Variants in HSD17B4 observed in about 807,000 individuals in gnomAD.
HSD17B4 encodes peroxisomal multifunctional enzyme type 2.
Under a neutral mutation model 101.0 loss-of-function variants are expected in HSD17B4, and 70 were observed. The ratio of observed to expected loss-of-function variants is 0.69; its 90% CI spans 0.57 to 0.85. HSD17B4 has a LOEUF of 0.85. HSD17B4 is among the 40% of genes least tolerant of loss of function. The probability of loss-of-function intolerance (pLI) is 0.00; values close to 1 mark genes in which losing one functional copy is unlikely to be tolerated. For missense variants in HSD17B4, 984 were observed against 892.4 expected (o/e 1.10, Z -1.31); for synonymous variants, 347 against 297.1 (o/e 1.17, Z -1.73).
chr5:119,514,904 G>GT, intron 16 of HSD17B4, 77 bp from the exon 17 acceptor site: 2 of 839,750 alleles, frequency 2.4e-6, no homozygotes, highest in South Asian at 2.7e-5. Context: ...ACATGATTGT[G>GT]TATCAAATGT....
At chr5:119,468,802 C>T (rs1437308088) in intron 2 of HSD17B4, among the ~76,000 whole-genome samples, 1 of 150,542 alleles carries the variant, frequency 6.6e-6, no homozygotes, top group Admixed American at 6.6e-5. Flanking sequence ...TTATGTTTTT[C>T]TCTTTCCTTT....
chr5:119,517,254 C>T (rs943940755), intron 17 of HSD17B4, among the ~76,000 whole-genome samples: 1 of 152,216 alleles, frequency 6.6e-6, no homozygotes, highest in Non-Finnish European at 1.5e-5. Flanking sequence ...CCCAGGCCAG[C>T]GGCTGCGGAG....
At chr5:119,521,640 G>A (rs995754106) in intron 17 of HSD17B4, among the ~76,000 whole-genome samples, 4 of 151,550 alleles carry the variant, frequency 2.6e-5, no homozygotes, top group African/African-American at 4.8e-5. Context: ...ATTTGAATGT[G>A]TTCTCCTTTG....
intron 17 of HSD17B4, among the ~76,000 whole-genome samples, chr5:119,517,958 C>G (rs1752785403): frequency 1.3e-5 from 2 of 152,126 alleles, no homozygotes; most frequent in Non-Finnish European, 2.9e-5. Context: ...CGTGGAGAAC[C>G]TTTATGTCTA....
At chr5:119,502,655 T>C (rs975712648) in intron 14 of HSD17B4, among the ~76,000 whole-genome samples, 4 of 152,174 alleles carry the variant, frequency 2.6e-5, no homozygotes, top group Non-Finnish European at 4.4e-5. Flanking sequence ...TGTTGTCTAA[T>C]TATATACTGG....
intron 16 of HSD17B4, among the ~76,000 whole-genome samples, chr5:119,512,744 T>C (rs1404090744): frequency 1.3e-5 from 2 of 152,212 alleles, no homozygotes; most frequent in Non-Finnish European, 2.9e-5. Context: ...AGTGACCACA[T>C]ACTGTGTTTA....
chr5:119,527,012 A>G (rs773566440), intron 19 of HSD17B4, 121 bp from the exon 20 acceptor site: 6 of 659,286 alleles, frequency 9.1e-6, no homozygotes, highest in East Asian at 2.8e-5. Context: ...GAATTTAAAT[A>G]TCTTTAAACC....
chr5:119,524,059 T>G lies in HSD17B4; in HGVS notation c.1504-1157T>G, dbSNP rs887748769. ...AACATTTTATTATATAAAGTGCTTTTAAAAAATTATCATTTACTTCTCTTA... is the reference window on the plus strand; with the variant it reads ...AACATTTTATTATATAAAGTGCTTTGAAAAAATTATCATTTACTTCTCTTA... On this transcript the variant is annotated intron_variant, in intron 17 of 23. Coordinates refer to ENST00000510025, the MANE Select transcript of HSD17B4 (RefSeq NM_000414.4). 3.9e-5 allele frequency among the ~76,000 whole-genome samples: 6 copies of G among 152,256 alleles called. 1 individual carries two copies. The South Asian group carries it at 1.0e-3, about 26-fold the overall frequency.
rs752422514 is a variant in HSD17B4, at chr5:119,477,547, TGGGGGTTCTTGTGTACA to T, written c.434+50_434+66del. 10 of 1,209,774 alleles carry T rather than the reference TGGGGGTTCTTGTGTACA, an allele frequency of 8.3e-6. No homozygotes were observed. In the East Asian group the frequency reaches 2.3e-4, roughly 28 times the overall value. 74.9% of individuals were successfully genotyped at this position (1,209,774 alleles called of 1,614,324 possible). On this transcript the variant is annotated intron_variant, in intron 7 of 23. Transcript: ENST00000510025. ...CAAGGGGGATTTAAGATGTTGTGTCTGGGGGTTCTTGTGTACAGGGAAAGATTATGTGAAGTGTTGTG... is the reference window on the plus strand; with the variant it reads ...CAAGGGGGATTTAAGATGTTGTGTCTGGGAAAGATTATGTGAAGTGTTGTG...
intron 8 of HSD17B4, among the ~76,000 whole-genome samples, chr5:119,481,347 C>G (rs1749112594): frequency 6.6e-6 from 1 of 152,174 alleles, no homozygotes; most frequent in African/African-American, 2.4e-5. Flanking sequence ...TCCCTGACTT[C>G]CCTCAACACC....
At chr5:119,481,252 T>G (rs1251696097) in intron 8 of HSD17B4, among the ~76,000 whole-genome samples, 1 of 152,150 alleles carries the variant, frequency 6.6e-6, no homozygotes. Flanking sequence ...ACAAAAGTAT[T>G]AATTTGGGGA....
intron 19 of HSD17B4, among the ~76,000 whole-genome samples, chr5:119,526,920 T>C (rs995589098): frequency 6.6e-6 from 1 of 152,000 alleles, no homozygotes; most frequent in African/African-American, 2.4e-5. Context: ...ATTCCATACT[T>C]TGAAAGACAA....
At chr5:119,508,591 CAT>C (rs1751877697) in intron 15 of HSD17B4, among the ~76,000 whole-genome samples, 2 of 152,284 alleles carry the variant, frequency 1.3e-5, no homozygotes, top group South Asian at 4.1e-4. Flanking sequence ...CTTGCTCACT[CAT>C]ATCATTTATT....
chr5:119,456,939 G>T (rs1234454780), intron 2 of HSD17B4, among the ~76,000 whole-genome samples: 3 of 152,170 alleles, frequency 2.0e-5, no homozygotes, highest in Non-Finnish European at 4.4e-5. Context: ...TGGAGTCAAG[G>T]AATCTAAAGT....
chr5:119,495,527 G>A (rs1002098081), intron 11 of HSD17B4, among the ~76,000 whole-genome samples: 16 of 152,160 alleles, frequency 1.1e-4, no homozygotes, highest in African/African-American at 3.9e-4. Context: ...TCTGGAAGGA[G>A]GTGGCTTTCA....
At chr5:119,471,619 C>CT (rs1178241001) in intron 2 of HSD17B4, 3 of 1,196,806 alleles carry the variant, frequency 2.5e-6, no homozygotes, top group Non-Finnish European at 3.4e-6. Flanking sequence ...TAATTAGTAA[C>CT]TTTTTTATTG....
intron 8 of HSD17B4, chr5:119,487,125 A>G (rs1422564965): frequency 6.6e-6 from 1 of 151,846 alleles, no homozygotes; most frequent in Non-Finnish European, 1.5e-5. Flanking sequence ...TAGGTTTAGG[A>G]CCCCATCTTG....
chr5:119,512,059 T>A (rs1752224389), intron 16 of HSD17B4, among the ~76,000 whole-genome samples: 1 of 152,118 alleles, frequency 6.6e-6, no homozygotes, highest in Admixed American at 6.5e-5. Flanking sequence ...GAAAGTATAA[T>A]AACTGAGATG....
intron 2 of HSD17B4, among the ~76,000 whole-genome samples, chr5:119,462,869 C>A (rs1755404320): frequency 6.6e-6 from 1 of 152,176 alleles, no homozygotes; most frequent in East Asian, 1.9e-4. Flanking sequence ...TCAAAATCCT[C>A]TCTTCTAGCT....
Sources: allele counts gnomAD v4.1 joint callset (sites outside exome capture counted in the v4.1 genomes callset), GRCh38; gene constraint gnomAD v4.1.1; transcripts MANE v1.5; gene names NCBI Gene and HGNC (gene_info 2026-07-23, HGNC 2026-07-21).